FHIT: variants seen among roughly 807,000 people sequenced by gnomAD.
FHIT encodes fragile histidine triad diadenosine triphosphatase.
Under a neutral mutation model 17.9 loss-of-function variants are expected in FHIT, and 19 were observed. The observed-to-expected ratio is 1.06, with a 90% CI of 0.74 to 1.56. FHIT has a LOEUF of 1.56. FHIT is among the 40% of genes most tolerant of loss of function. The pLI, the probability that FHIT is intolerant of heterozygous loss-of-function variation, is 0.00. For synonymous variants in FHIT, 81 were observed against 69.7 expected, an observed-to-expected ratio of 1.16 and a Z score of -0.81; for missense variants, 248 against 189.2, an observed-to-expected ratio of 1.31 and a Z score of -1.82.
chr3:60,437,480 T>C (rs1308187159), intron 5 of FHIT, among the ~76,000 whole-genome samples: 1 of 152,122 alleles, frequency 6.6e-6, no homozygotes. Flanking sequence ...TCCTGCTCTA[T>C]GCCCGCCATG....
At chr3:60,009,072 G>C (rs531139383) in intron 7 of FHIT, among the ~76,000 whole-genome samples, 1 of 152,030 alleles carries the variant, frequency 6.6e-6, no homozygotes, top group African/African-American at 2.4e-5. Context: ...GTGATACAAA[G>C]ATCGCATTTT....
chr3:60,305,715 G>A (rs954533643), intron 5 of FHIT, among the ~76,000 whole-genome samples: 7 of 152,126 alleles, frequency 4.6e-5, no homozygotes, highest in Admixed American at 1.3e-4. Context: ...GTAAGTAATG[G>A]TGCTTTTACA....
intron 5 of FHIT, among the ~76,000 whole-genome samples, chr3:60,054,113 C>T (rs1003716067): frequency 2.0e-5 from 3 of 152,114 alleles, no homozygotes; most frequent in Admixed American, 1.3e-4. Context: ...GGAAAAAAAT[C>T]AGTTTAACTT....
intron 8 of FHIT, among the ~76,000 whole-genome samples, chr3:59,825,338 C>A (rs1411741182): frequency 6.6e-6 from 1 of 152,124 alleles, no homozygotes; most frequent in East Asian, 1.9e-4. Context: ...TTGGCAGAAC[C>A]ACTTCCTATG....
At chr3:59,789,956 C>T (rs560181770) in intron 8 of FHIT, among the ~76,000 whole-genome samples, 1 of 152,294 alleles carries the variant, frequency 6.6e-6, no homozygotes, top group African/African-American at 2.4e-5. Context: ...ACTCCTCTCC[C>T]ATCACTCCCA....
At chr3:60,193,072 G>A (rs1702476929) in intron 5 of FHIT, among the ~76,000 whole-genome samples, 1 of 152,158 alleles carries the variant, frequency 6.6e-6, no homozygotes, top group Non-Finnish European at 1.5e-5. Context: ...ACTGCACTCA[G>A]AAAAATGGAG....
rs112785601 is a variant in FHIT, at chr3:60,266,643, T to C, written c.104-252491A>G. On this transcript the variant is annotated intron_variant, in intron 5 of 9. Transcript: ENST00000492590. ...CTCAGATCCCATCTCCCACTCCTGATAGCCAGGAGATTGCGACACCCCCTC... is the reference window on the plus strand; with the variant it reads ...CTCAGATCCCATCTCCCACTCCTGACAGCCAGGAGATTGCGACACCCCCTC... Among the ~76,000 whole-genome samples the C allele has an allele frequency of 1.5e-3, 224 of 152,202 alleles. 1 individual carries two copies. The highest frequency in any genetic ancestry group is 5.0e-3 in the African/African-American group (208 of 41,558).
intron 4 of FHIT, among the ~76,000 whole-genome samples, chr3:60,635,132 G>C (rs1307866931): frequency 6.6e-6 from 1 of 152,122 alleles, no homozygotes; most frequent in Non-Finnish European, 1.5e-5. Context: ...CAAACTAAAA[G>C]GACAGCAGGC....
rs79577171 is a variant in FHIT, at chr3:60,785,298, C to T, written c.-18+36621G>A. On this transcript the variant is annotated intron_variant, in intron 4 of 9. Transcript: ENST00000492590. ...AGTGATGACTGAGACTAGCCCTTGG[C>T]TGTGGTGATTAAGATCTTTGGTGAC... Among the ~76,000 whole-genome samples the T allele has an allele frequency of 5.3e-5, 8 of 152,276 alleles. No individual in the cohort carries two copies. The South Asian group carries it at 1.2e-3, about 24-fold the overall frequency.
intron 4 of FHIT, among the ~76,000 whole-genome samples, chr3:60,549,158 G>C (rs1483204520): frequency 6.6e-6 from 1 of 152,066 alleles, no homozygotes; most frequent in African/African-American, 2.4e-5. Context: ...AGCTAATATT[G>C]TTAAGTTGCT....
chr3:60,238,616 T>C (rs1181483138), intron 5 of FHIT, among the ~76,000 whole-genome samples: 3 of 152,172 alleles, frequency 2.0e-5, no homozygotes, highest in Non-Finnish European at 2.9e-5. Flanking sequence ...GATTACTGAA[T>C]ATGTTTTCTG....
intron 3 of FHIT, among the ~76,000 whole-genome samples, chr3:60,984,405 C>G (rs573446399): frequency 6.6e-6 from 1 of 152,212 alleles, no homozygotes. Context: ...CCCCACCTAC[C>G]AATACACCCA....
At chr3:60,895,170 G>A (rs1283135319) in intron 3 of FHIT, among the ~76,000 whole-genome samples, 6 of 152,154 alleles carry the variant, frequency 3.9e-5, no homozygotes, top group Non-Finnish European at 8.8e-5. Context: ...GAAGAGGACA[G>A]GCCTGTGGCT....
intron 8 of FHIT, among the ~76,000 whole-genome samples, chr3:59,785,046 G>C (rs1205795354): frequency 6.6e-6 from 1 of 150,542 alleles, no homozygotes; most frequent in Non-Finnish European, 1.5e-5. Flanking sequence ...CGAGCAACAA[G>C]AGAGAGAGAG....
intron 4 of FHIT, among the ~76,000 whole-genome samples, chr3:60,785,081 G>C (rs1291430573): frequency 6.6e-6 from 1 of 152,184 alleles, no homozygotes; most frequent in Non-Finnish European, 1.5e-5. Flanking sequence ...AGAAAGATGG[G>C]GATCTGAACA....
chr3:60,877,472 G>A (rs547385337), intron 3 of FHIT, among the ~76,000 whole-genome samples: 1 of 152,316 alleles, frequency 6.6e-6, no homozygotes, highest in South Asian at 2.1e-4. Flanking sequence ...AGCTCCATCT[G>A]CTTCTCTCCG....
intron 2 of FHIT, among the ~76,000 whole-genome samples, chr3:61,043,027 G>A (rs541189001): frequency 1.3e-5 from 2 of 152,122 alleles, no homozygotes; most frequent in Non-Finnish European, 2.9e-5. Flanking sequence ...CCTGTCTACA[G>A]CTCCCAGCTT....
chr3:60,013,595 GAC>G (rs1700222539), intron 6 of FHIT, among the ~76,000 whole-genome samples: 1 of 152,134 alleles, frequency 6.6e-6, no homozygotes, highest in East Asian at 1.9e-4. Context: ...TTGAATTAAA[GAC>G]AGACAAAAGG....
At chr3:60,912,613 C>T (rs1412501024) in intron 3 of FHIT, 2 of 326,924 alleles carry the variant, frequency 6.1e-6, no homozygotes, top group Non-Finnish European at 1.2e-5. Context: ...TATAAAGGTG[C>T]CCTCCCCACC....
Sources: allele counts gnomAD v4.1 joint callset (sites outside exome capture counted in the v4.1 genomes callset), GRCh38; gene constraint gnomAD v4.1.1; transcripts MANE v1.5; gene names NCBI Gene and HGNC (gene_info 2026-07-23, HGNC 2026-07-21).